Variants in C14orf39 observed in about 807,000 individuals in gnomAD.
The protein encoded by C14orf39 is chromosome 14 open reading frame 39.
Under a neutral mutation model 85.6 loss-of-function variants are expected in C14orf39, and 66 were observed. That is an observed-to-expected ratio of 0.77 (90% CI 0.63 to 0.95). The LOEUF (loss-of-function observed/expected upper bound fraction) is 0.95, where lower values mean the gene tolerates loss of function less well. Ranked by LOEUF, C14orf39 falls within the 40% of genes least tolerant of loss-of-function variation. The pLI, the probability that C14orf39 is intolerant of heterozygous loss-of-function variation, is 0.00. For missense variants in C14orf39, 735 were observed against 663.9 expected (o/e 1.11, Z -1.18); for synonymous variants, 242 against 214.0 (o/e 1.13, Z -1.14).
intron 1 of C14orf39, among the ~76,000 whole-genome samples, chr14:60,510,662 G>A (rs953869087): frequency 2.0e-5 from 3 of 152,144 alleles, no homozygotes; most frequent in Non-Finnish European, 4.4e-5. Flanking sequence ...ACGCGATCGC[G>A]GGAGCACTTG....
chr14:60,471,119 A>G (rs547474695), intron 7 of C14orf39, among the ~76,000 whole-genome samples: 1 of 151,966 alleles, frequency 6.6e-6, no homozygotes, highest in Non-Finnish European at 1.5e-5. Flanking sequence ...AAGCAATTTA[A>G]CTGGAATTTT....
intron 1 of C14orf39, 46 bp downstream of exon 1, chr14:60,485,899 C>G: frequency 6.5e-6 from 1 of 152,758 alleles, no homozygotes; most frequent in Non-Finnish European, 1.5e-5. Context: ...CTCAGAGCCG[C>G]CGGCCCAGAG....
chr14:60,495,940 G>A (rs552468732), intron 2 of C14orf39: 55 of 451,562 alleles, frequency 1.2e-4, no homozygotes, highest in African/African-American at 9.8e-4. Context: ...AAGTACTCAG[G>A]GGGCAAGACA....
intron 2 of C14orf39, chr14:60,494,327 A>G (rs1893035508): frequency 1.2e-5 from 2 of 162,714 alleles, no homozygotes; most frequent in African/African-American, 2.4e-5. Flanking sequence ...AAGCTTGCCC[A>G]TATATGTTGC....
intron 5 of C14orf39, among the ~76,000 whole-genome samples, chr14:60,473,360 T>C (rs1892198460): frequency 6.6e-6 from 1 of 152,226 alleles, no homozygotes; most frequent in Non-Finnish European, 1.5e-5. Flanking sequence ...AGGTTGCCTG[T>C]TCACTCTGAT....
chr14:60,452,398 A>T (rs1891079281), intron 16 of C14orf39, among the ~76,000 whole-genome samples: 1 of 152,116 alleles, frequency 6.6e-6, no homozygotes, highest in Non-Finnish European at 1.5e-5. Context: ...TCAGGCACAG[A>T]AAGACAAACA....
chr14:60,509,443 C>T (rs1594631157), intron 1 of C14orf39: 7 of 1,599,822 alleles, frequency 4.4e-6, no homozygotes, highest in Non-Finnish European at 5.9e-6. Flanking sequence ...AGCAAGTGGC[C>T]GGGGTATGTG....
At chr14:60,449,340 T>C (rs866108117) in intron 16 of C14orf39, among the ~76,000 whole-genome samples, 6 of 152,324 alleles carry the variant, frequency 3.9e-5, no homozygotes, top group Middle Eastern at 3.4e-3. Flanking sequence ...CATTTTCTTA[T>C]ATAATTTAAT....
At chr14:60,443,426 T>C (rs767954577) in intron 16 of C14orf39, among the ~76,000 whole-genome samples, 1 of 152,148 alleles carries the variant, frequency 6.6e-6, no homozygotes, top group Non-Finnish European at 1.5e-5. Flanking sequence ...ACTGCTAGCA[T>C]AGCAGTCTGA....
At chr14:60,444,807 C>T (rs1890684112) in intron 16 of C14orf39, among the ~76,000 whole-genome samples, 2 of 152,142 alleles carry the variant, frequency 1.3e-5, no homozygotes, top group Admixed American at 6.5e-5. Flanking sequence ...AGAGAAAGGT[C>T]GGGTTACCCA....
In C14orf39 at chr14:60,466,982, A is replaced by G; in HGVS notation, c.830T>C (p.Leu277Pro). The G allele has an allele frequency of 6.8e-7, 1 of 1,468,408 alleles. No homozygotes were observed. Among genetic ancestry groups the G allele is most frequent in the South Asian group, 1.5e-5 (1 of 65,724 alleles). 91.0% of individuals were successfully genotyped at this position (1,468,408 alleles called of 1,614,324 possible). ...TACTAATTTCTGAGATTCATAAGGA[A>G]GAAATAATTGACTGCTTTGAGTTTT... ...LNKTQSSQLF[L>P]PYESQKLVRP... Residue 277 changes from leucine to proline, a missense_variant, in exon 10 of 18, where the codon CTT becomes CCT. Coordinates refer to ENST00000321731, the MANE Select transcript of C14orf39 (RefSeq NM_174978.3).
intron 1 of C14orf39, among the ~76,000 whole-genome samples, chr14:60,506,117 T>C (rs1893200361): frequency 6.6e-6 from 1 of 152,162 alleles, no homozygotes; most frequent in African/African-American, 2.4e-5. Context: ...TAGACGTCTA[T>C]GGATTCCCGG....
At chr14:60,457,701 C>T (rs1055882729) in intron 14 of C14orf39, among the ~76,000 whole-genome samples, 16 of 151,862 alleles carry the variant, frequency 1.1e-4, no homozygotes, top group East Asian at 5.8e-4. Context: ...GTGCTTATTA[C>T]GTGTGTTTTT....
At chr14:60,497,884 AAAAAAAG>A (rs1320530084) in intron 2 of C14orf39, among the ~76,000 whole-genome samples, 48 of 152,182 alleles carry the variant, frequency 3.2e-4, no homozygotes, top group Admixed American at 2.3e-3. Context: ...CTCCATCTCA[AAAAAAAG>A]AAAAAAGAAA....
Position 60,461,365 on chromosome 14 carries a change from T to C in C14orf39, c.1106A>G (p.Lys369Arg). ...TAAACGGCAAATACCTTTATCCCCTTTTTCCGACCACTGATTGGAATTTGA... is the reference window on the plus strand; with the variant it reads ...TAAACGGCAAATACCTTTATCCCCTCTTTCCGACCACTGATTGGAATTTGA... ...KQSNSNQWSE[K>R]GDKDAEYGDK... The change falls in exon 13 of 18, where the codon AAA becomes AGA. Residue 369 changes from lysine (K) to arginine (R), a missense_variant. Lys to Arg is a conservative substitution (Grantham distance 26). Coordinates refer to ENST00000321731, the MANE Select transcript of C14orf39 (RefSeq NM_174978.3). 1 of 1,611,020 alleles carries C rather than the reference T, an allele frequency of 6.2e-7. No individual in the cohort carries two copies.
rs115296393 is a variant in C14orf39, at chr14:60,460,422, C to T, written c.1117+932G>A. 6.9e-3 allele frequency among the ~76,000 whole-genome samples: 1,051 copies of T among 151,874 alleles called. 12 individuals are homozygous for T. Among genetic ancestry groups the T allele is most frequent in the African/African-American group, 0.024 (981 of 41,510 alleles). ...CATATTGTGTTGGATGAATCCTATACTGAGTGAGAGAAAAAGACTCATAGT... is the reference window on the plus strand; with the variant it reads ...CATATTGTGTTGGATGAATCCTATATTGAGTGAGAGAAAAAGACTCATAGT... On this transcript the variant is annotated intron_variant, in intron 13 of 17. Transcript: ENST00000321731.
At chr14:60,475,241 G>A (rs1412497845) in intron 5 of C14orf39, among the ~76,000 whole-genome samples, 1 of 152,056 alleles carries the variant, frequency 6.6e-6, no homozygotes, top group African/African-American at 2.4e-5. Context: ...GGGATCGGTG[G>A]TGATATCCCC....
intron 16 of C14orf39, among the ~76,000 whole-genome samples, chr14:60,454,505 TG>T (rs1029363711): frequency 1.3e-5 from 2 of 152,034 alleles, no homozygotes; most frequent in Admixed American, 6.6e-5. Context: ...TTCTACTTTT[TG>T]AATAAAGCAT....
intron 1 of C14orf39, chr14:60,511,131 CG>C: frequency 6.2e-7 from 1 of 1,612,736 alleles, no homozygotes; most frequent in Admixed American, 1.7e-5. Context: ...GCACTACGGG[CG>C]GAGGGCGACG....
Sources: gnomAD v4.1 joint callset for allele counts (sites outside exome capture counted in the v4.1 genomes callset) on GRCh38, gnomAD v4.1.1 for gene constraint, MANE v1.5 for transcripts, NCBI Gene and HGNC (gene_info 2026-07-23, HGNC 2026-07-21) for gene names.